The following RBM4 variants were observed in gnomAD, a reference collection of about 807,000 sequenced individuals.
RBM4 encodes the protein RNA binding motif protein 4.
Under a neutral mutation model 29.5 loss-of-function variants are expected in RBM4, and 7 were observed. The ratio of observed to expected loss-of-function variants is 0.24; its 90% CI spans 0.14 to 0.45. The LOEUF is 0.45. Among genes scored for constraint, RBM4 ranks in the 20% least tolerant of loss-of-function variants. The probability of loss-of-function intolerance (pLI) is 1.00; values close to 1 mark genes in which losing one functional copy is unlikely to be tolerated. For synonymous variants in RBM4, 220 were observed against 205.4 expected (o/e 1.07, Z -0.61); for missense variants, 387 against 502.3 (o/e 0.77, Z 2.19).
At chr11:66,657,162 T>C (rs1938965588) in intron 2 of RBM4, among the ~76,000 whole-genome samples, 1 of 146,300 alleles carries the variant, frequency 6.8e-6, no homozygotes, top group Admixed American at 7.0e-5. Flanking sequence ...TTGCCTAGGC[T>C]GGAGTACAGT....
Position 66,639,998 on chromosome 11 carries a change from C to T in RBM4, c.287C>T (p.Ala96Val). Reference sequence around the variant, plus strand: ...ACCTGCACCAATAAGGAGCTTCGAGCCAAGTTTGAGGAGTATGGTCCGGTC... The same window carrying T: ...ACCTGCACCAATAAGGAGCTTCGAGTCAAGTTTGAGGAGTATGGTCCGGTC... ...SPTCTNKELR[A>V]KFEEYGPVIE... The change falls in exon 2 of 4, where the codon GCC (alanine) becomes GTC (valine). Residue 96 changes from alanine to valine, a missense_variant. Ala to Val is a moderately conservative substitution (Grantham distance 64). Transcript: ENST00000310092. The T allele has an allele frequency of 1.2e-6, 2 of 1,614,130 alleles. No individual in the cohort carries two copies. Among genetic ancestry groups the T allele is most frequent in the Non-Finnish European group, 8.5e-7 (1 of 1,180,034 alleles).
At position 66,646,093 on chromosome 11, in the gene RBM4, C is replaced by G; in HGVS notation, c.*75C>G. The G allele has an allele frequency of 2.6e-6, 4 of 1,535,662 alleles. No individual in the cohort carries two copies. The highest frequency in any genetic ancestry group is 3.5e-6 in the Non-Finnish European group (4 of 1,146,848). On this transcript the variant is annotated 3_prime_UTR_variant, in exon 4 of 4. Coordinates refer to ENST00000310092, the MANE Select transcript of RBM4 (RefSeq NM_002896.4). The stretch of plus-strand genomic sequence containing the variant: ...ATGAGAATACACCCTTCGTGGTACC[C>G]CATCTCCGGGACGTTCTCGGCTCTG...
chr11:66,642,092 C>T (rs116811430), intron 2 of RBM4, among the ~76,000 whole-genome samples: 1 of 152,220 alleles, frequency 6.6e-6, no homozygotes, highest in African/African-American at 2.4e-5. Context: ...TGCATATCTA[C>T]TCTCTTTTAA....
intron 2 of RBM4, among the ~76,000 whole-genome samples, chr11:66,651,855 G>A (rs1290530402): frequency 6.6e-6 from 1 of 152,062 alleles, no homozygotes; most frequent in Non-Finnish European, 1.5e-5. Flanking sequence ...TTTTATATAA[G>A]GGCACAAATC....
chr11:66,664,179 T>G (rs1046621601), intron 2 of RBM4, among the ~76,000 whole-genome samples: 67 of 148,952 alleles, frequency 4.5e-4, no homozygotes, highest in African/African-American at 9.6e-4. Flanking sequence ...CTGTTTTTTT[T>G]TTTTTTTTTT....
intron 2 of RBM4, among the ~76,000 whole-genome samples, chr11:66,641,755 G>T (rs1211770564): frequency 6.6e-6 from 1 of 152,092 alleles, no homozygotes; most frequent in Non-Finnish European, 1.5e-5. Flanking sequence ...TCTTAATACT[G>T]TTCTGGTAGA....
intron 3 of RBM4, chr11:66,644,587 C>G (rs1938609066): frequency 1.5e-6 from 1 of 678,790 alleles, no homozygotes; most frequent in Admixed American, 5.5e-5. Context: ...GATATGACCC[C>G]TGATGATAAA....
At chr11:66,665,803 T>A in intron 2 of RBM4, 1 of 1,451,086 alleles carries the variant, frequency 6.9e-7, no homozygotes, top group Non-Finnish European at 9.3e-7. Flanking sequence ...CAAGATGCAA[T>A]CTAGCTGAAG....
chr11:66,640,492 A>G (rs1351730406), intron 2 of RBM4: 4 of 429,538 alleles, frequency 9.3e-6, no homozygotes, highest in African/African-American at 8.1e-5. Flanking sequence ...TCAGCACAGG[A>G]TCAGAATTCT....
chr11:66,658,104 G>A (rs1259383031), intron 2 of RBM4, among the ~76,000 whole-genome samples: 1 of 151,452 alleles, frequency 6.6e-6, no homozygotes, highest in Non-Finnish European at 1.5e-5. Flanking sequence ...TCTCGGCTCA[G>A]TGCAACCTCT....
chr11:66,647,100 G>A (rs1938715681), downstream of RBM4, among the ~76,000 whole-genome samples: 1 of 152,226 alleles, frequency 6.6e-6, no homozygotes, highest in Admixed American at 6.5e-5. Context: ...GGGGCTGAGT[G>A]CAAGAACTGC....
rs1938548249 is a variant in RBM4 at position 66,643,330 on chromosome 11, A to G, written c.413-120A>G. 6 of 1,279,514 alleles carry G rather than the reference A, an allele frequency of 4.7e-6. No individual in the cohort carries two copies. Among genetic ancestry groups the G allele is most frequent in the African/African-American group, 3.0e-5 (2 of 66,966 alleles). The allele number at this position is 1,279,514 out of a possible 1,614,324, so 79.3% of individuals were successfully genotyped here. On this transcript the variant is annotated intron_variant, in intron 2 of 3. Transcript: ENST00000310092. This position sits in a 1 kb window ranked among gnomAD's most constrained non-coding sequence, Gnocchi z 6.1. ...TTTTTTTTCCTTTTTATCTTTTCCT[A>G]AAGATGAGTCCTGCATTAGAATTGT...
At chr11:66,639,603 GA>G in intron 1 of RBM4, 96 bp from the exon 2 acceptor site, 1 of 1,457,442 alleles carries the variant, frequency 6.9e-7, no homozygotes, top group Non-Finnish European at 9.3e-7. Context: ...GTGTGAGAGA[GA>G]AAACTGGAAA....
At chr11:66,639,580 T>C (rs1938350748) in intron 1 of RBM4, 120 bp from the exon 2 acceptor site, 1 of 1,197,412 alleles carries the variant, frequency 8.4e-7, no homozygotes. Context: ...TGTGTGGAGG[T>C]GTGTGTGCAG....
chr11:66,642,399 A>T (rs1445485943), intron 2 of RBM4, among the ~76,000 whole-genome samples: 2 of 152,202 alleles, frequency 1.3e-5, no homozygotes, highest in African/African-American at 4.8e-5. Flanking sequence ...CTGGTAGATC[A>T]TGTTAGGTAG....
chr11:66,645,339 G>C (rs778233841), intron 3 of RBM4, among the ~76,000 whole-genome samples: 10 of 152,124 alleles, frequency 6.6e-5, no homozygotes, highest in Non-Finnish European at 1.2e-4. Flanking sequence ...CATTACCATT[G>C]ATCCTTAATT....
Position 66,646,274 on chromosome 11 carries a change from G to A in RBM4, c.*256G>A. ...CATTCATGTTCTCTTCTCCCAGCAG[G>A]CCTCATTGTGTGCAGAAACTGTGGT... On this transcript the variant is annotated 3_prime_UTR_variant, in exon 4 of 4. Coordinates refer to ENST00000310092, the MANE Select transcript of RBM4 (RefSeq NM_002896.4). 7.2e-7 allele frequency: 1 copy of A among 1,394,642 alleles called. No homozygotes were observed. The allele number at this position is 1,394,642 out of a possible 1,614,324, so 86.4% of individuals were successfully genotyped here.
chr11:66,648,122 C>T (rs1257974469), downstream of RBM4, among the ~76,000 whole-genome samples: 1 of 152,024 alleles, frequency 6.6e-6, no homozygotes, highest in Non-Finnish European at 1.5e-5. Context: ...AGGAGAATCG[C>T]TTGAACCCAG....
chr11:66,646,150 A>AATTT lies in RBM4; in HGVS notation c.*134_*137dup. On this transcript the variant is annotated 3_prime_UTR_variant, in exon 4 of 4. Transcript: ENST00000310092. ...CAGTCCCTCAGGAACCGTGGACCTTAATTTACCTTGCTAAGTTCAGACCTT... is the reference window on the plus strand; with the variant it reads ...CAGTCCCTCAGGAACCGTGGACCTTAATTTATTTACCTTGCTAAGTTCAGACCTT... 1.3e-6 allele frequency: 2 copies of AATTT among 1,527,294 alleles called. No individual in the cohort carries two copies. Among genetic ancestry groups the AATTT allele is most frequent in the South Asian group, 2.4e-5 (2 of 83,434 alleles). 94.6% of individuals were successfully genotyped at this position (1,527,294 alleles called of 1,614,324 possible). A position where few individuals can be genotyped will look rare whatever the true frequency, so the allele number is the denominator to read the frequency against.
Sources: gnomAD v4.1 joint callset for allele counts (sites outside exome capture counted in the v4.1 genomes callset) on GRCh38, gnomAD v4.1.1 for gene constraint, Gnocchi (gnomAD v3.1) non-coding constraint, MANE v1.5 for transcripts, NCBI Gene and HGNC (gene_info 2026-07-23, HGNC 2026-07-21) for gene names.